The following TRMT61B variants were observed in gnomAD, a reference collection of about 807,000 sequenced individuals.
The protein encoded by TRMT61B is tRNA (adenine(58)-N(1))-methyltransferase, mitochondrial.
TRMT61B carries 56 observed loss-of-function variants against 52.0 expected under a neutral mutation model. The ratio of observed to expected loss-of-function variants is 1.08; its 90% CI spans 0.87 to 1.35. The LOEUF (loss-of-function observed/expected upper bound fraction) is 1.35, where lower values mean the gene tolerates loss of function less well. Among genes scored for constraint, TRMT61B ranks in the 40% most tolerant of loss-of-function variants. The pLI, the probability that TRMT61B is intolerant of heterozygous loss-of-function variation, is 0.00. For synonymous variants in TRMT61B, 206 were observed against 220.0 expected (o/e 0.94, Z 0.56); for missense variants, 650 against 577.9 (o/e 1.12, Z -1.28).
Position 28,859,781 on chromosome 2 carries a change from T to C in TRMT61B, c.993+1337A>G, listed in dbSNP as rs1204396999. Among the ~76,000 whole-genome samples the C allele has an allele frequency of 2.6e-5, 4 of 152,200 alleles. No homozygotes were observed. The East Asian group carries it at 7.7e-4, about 29-fold the overall frequency. Reference sequence around the variant, plus strand: ...TGTGTTTCATGCTCATCAAGCAAAATTCTGATGACCAATTTAATCTCGCAG... The same window carrying C: ...TGTGTTTCATGCTCATCAAGCAAAACTCTGATGACCAATTTAATCTCGCAG... On this transcript the variant is annotated intron_variant, in intron 3 of 6. Transcript: ENST00000306108.
At chr2:28,853,788 A>G (rs1417427672) in intron 3 of TRMT61B, among the ~76,000 whole-genome samples, 1 of 151,998 alleles carries the variant, frequency 6.6e-6, no homozygotes, top group African/African-American at 2.4e-5. Flanking sequence ...GTAAGCCAAG[A>G]TTAAACCACT....
intron 1 of TRMT61B, among the ~76,000 whole-genome samples, chr2:28,865,789 T>C (rs930495535): frequency 1.4e-5 from 2 of 147,432 alleles, no homozygotes; most frequent in Non-Finnish European, 3.0e-5. Context: ...CAAGCGATTC[T>C]CCTGCCTCAG....
rs776399442 is a variant in TRMT61B at position 28,861,114 on chromosome 2, T to A, written c.993+4A>T. Reference sequence around the variant, plus strand: ...TAACACAGGACCCACGTTAGAAAACTTACTGCGTCAAATGTTAAAGATTTT... The same window carrying A: ...TAACACAGGACCCACGTTAGAAAACATACTGCGTCAAATGTTAAAGATTTT... On this transcript the variant is annotated splice_donor_region_variant and intron_variant, in intron 3 of 6. Transcript: ENST00000306108. 18 of 1,591,966 alleles carry A rather than the reference T, an allele frequency of 1.1e-5. No homozygotes were observed. The highest frequency in any genetic ancestry group is 3.6e-5 in the Admixed American group (2 of 55,406).
chr2:28,859,773 A>AAT (rs1202417692), intron 3 of TRMT61B, among the ~76,000 whole-genome samples: 2 of 152,312 alleles, frequency 1.3e-5, no homozygotes, highest in East Asian at 3.9e-4. Context: ...CATGCTCATC[A>AAT]AGCAAAATTC....
Position 28,852,674 on chromosome 2 carries a change from T to C in TRMT61B, c.994-175A>G, listed in dbSNP as rs1006896421. On this transcript the variant is annotated intron_variant, in intron 3 of 6. Transcript: ENST00000306108. ...TCCCAAAAGGGTATGTTAATTATTATACAGTTGGGCAATGTGGCTTCTGCC... is the reference window on the plus strand; with the variant it reads ...TCCCAAAAGGGTATGTTAATTATTACACAGTTGGGCAATGTGGCTTCTGCC... Among the ~76,000 whole-genome samples the C allele has an allele frequency of 2.6e-5, 4 of 152,104 alleles. No individual in the cohort carries two copies. The South Asian group carries it at 6.2e-4, about 24-fold the overall frequency.
intron 3 of TRMT61B, among the ~76,000 whole-genome samples, chr2:28,860,272 CAAAAAAAAAAAAAAAA>C (rs540569211): frequency 0.029 from 701 of 24,536 alleles, 11 homozygotes; most frequent in Middle Eastern, 0.056. Context: ...ACTCTGTTGC[CAAAAAAAAAAAAAAAA>C]AAAAAAAAAA....
intron 3 of TRMT61B, among the ~76,000 whole-genome samples, chr2:28,859,189 C>G (rs942702736): frequency 9.2e-5 from 14 of 152,284 alleles, no homozygotes; most frequent in Non-Finnish European, 1.6e-4. Flanking sequence ...ACGCCATTCT[C>G]CTGCCTCAGC....
chr2:28,858,103 C>G (rs919011904), intron 3 of TRMT61B, among the ~76,000 whole-genome samples: 1 of 149,650 alleles, frequency 6.7e-6, no homozygotes, highest in Admixed American at 6.7e-5. Context: ...TGCAGTGGCG[C>G]CATCTCGGCT....
intron 3 of TRMT61B, among the ~76,000 whole-genome samples, chr2:28,852,810 G>GT: frequency 6.6e-6 from 1 of 151,334 alleles, no homozygotes; most frequent in Non-Finnish European, 1.5e-5. Flanking sequence ...AAAAAAAAAA[G>GT]TAGCTGGATG....
Position 28,865,067 on chromosome 2 carries a change from A to C in TRMT61B, c.752T>G (p.Leu251Trp). The C allele has an allele frequency of 6.2e-7, 1 of 1,613,642 alleles. No homozygotes were observed. Among genetic ancestry groups the C allele is most frequent in the Non-Finnish European group, 8.5e-7 (1 of 1,179,656 alleles). ...TCCACCAGAGCCTGAGCCAGCTTCC[A>C]AAACAGTATCACCTGGGTTGATATC... ...MMDINPGDTV[L>W]EAGSGSGGMS... Residue 251 changes from leucine to tryptophan, a missense_variant, in exon 2 of 7, where the codon TTG becomes TGG. By Grantham distance (61) the Leu-to-Trp change is moderately conservative (BLOSUM62 -2). Coordinates refer to ENST00000306108, the MANE Select transcript of TRMT61B (RefSeq NM_017910.4).
intron 3 of TRMT61B, among the ~76,000 whole-genome samples, chr2:28,853,641 G>T (rs1669217956): frequency 6.6e-6 from 1 of 152,124 alleles, no homozygotes; most frequent in Non-Finnish European, 1.5e-5. Context: ...TTTGAGAGTA[G>T]CCTGGCCAAC....
chr2:28,869,434 T>C (rs550422033), intron 1 of TRMT61B, 145 bp downstream of exon 1: 4 of 605,300 alleles, frequency 6.6e-6, no homozygotes, highest in East Asian at 2.7e-5. Flanking sequence ...GTAAAAGTTA[T>C]AACCATTGGT....
intron 1 of TRMT61B, among the ~76,000 whole-genome samples, chr2:28,868,638 G>T (rs781687548): frequency 3.9e-5 from 6 of 152,224 alleles, no homozygotes; most frequent in Admixed American, 6.5e-5. Flanking sequence ...AAAGGAGGAG[G>T]AGTTGTGTTA....
intron 3 of TRMT61B, among the ~76,000 whole-genome samples, chr2:28,860,037 T>A (rs762815381): frequency 6.6e-6 from 1 of 152,050 alleles, no homozygotes; most frequent in Non-Finnish European, 1.5e-5. Flanking sequence ...TTTGGGAGAC[T>A]GAGATGGGCA....
chr2:28,852,796 G>GAA (rs964551026), intron 3 of TRMT61B, among the ~76,000 whole-genome samples: 1 of 139,524 alleles, frequency 7.2e-6, no homozygotes, highest in Non-Finnish European at 1.6e-5. Flanking sequence ...TGACTCTATT[G>GAA]AAAAAAAAAA....
chr2:28,856,518 C>T (rs73920373), intron 3 of TRMT61B, among the ~76,000 whole-genome samples: 363 of 152,238 alleles, frequency 2.4e-3, no homozygotes, highest in African/African-American at 8.3e-3. Context: ...TTATCTAGCC[C>T]CTCATGACTG....
chr2:28,870,202 C>T lies in TRMT61B; in HGVS notation c.76G>A (p.Gly26Ser), dbSNP rs1572562357. Residue 26 changes from glycine to serine, a missense_variant, in exon 1 of 7, where the codon GGC becomes AGC. Physicochemically the swap from Gly to Ser is moderately conservative, Grantham distance 56. Transcript: ENST00000306108. ...CCCTCGAAGGGCTCCTGCCCCAGGCCGTGCAGGAATGAATTGGTTCCGAGC... is the reference window on the plus strand; with the variant it reads ...CCCTCGAAGGGCTCCTGCCCCAGGCTGTGCAGGAATGAATTGGTTCCGAGC... ...QGLGTNSFLH[G>S]LGQEPFEGAR... The T allele has an allele frequency of 6.2e-7, 1 of 1,612,352 alleles. No individual in the cohort carries two copies. The highest frequency in any genetic ancestry group is 8.5e-7 in the Non-Finnish European group (1 of 1,179,946).
At position 28,869,850 on chromosome 2, in the gene TRMT61B, C is replaced by T. The variant is rs376259363; in HGVS notation, c.428G>A (p.Cys143Tyr). Residue 143 changes from cysteine to tyrosine, a missense_variant, in exon 1 of 7, where the codon TGT (cysteine) becomes TAT (tyrosine). Coordinates refer to ENST00000306108, the MANE Select transcript of TRMT61B (RefSeq NM_017910.4). ...EVEERHVSPS[C>Y]STSRERPFQA... Reference sequence around the variant, plus strand: ...AAAGGGTCTCTCTCTGGAAGTTGAACAAGAAGGGGAGACGTGACGCTCTTC... The same window carrying T: ...AAAGGGTCTCTCTCTGGAAGTTGAATAAGAAGGGGAGACGTGACGCTCTTC... 197 of 1,614,056 alleles carry T rather than the reference C, an allele frequency of 1.2e-4. No individual in the cohort carries two copies. Among genetic ancestry groups the T allele is most frequent in the Non-Finnish European group, 1.5e-4 (177 of 1,180,032 alleles).
chr2:28,851,322 C>T (rs762196101), intron 4 of TRMT61B, 24 bp from the exon 5 acceptor site: 2 of 1,470,830 alleles, frequency 1.4e-6, no homozygotes, highest in Admixed American at 2.0e-5. Context: ...GAAAAATTTA[C>T]ATTTCTACTA....
Sources: gnomAD v4.1 joint callset for allele counts (sites outside exome capture counted in the v4.1 genomes callset) on GRCh38, gnomAD v4.1.1 for gene constraint, MANE v1.5 for transcripts, NCBI Gene and HGNC (gene_info 2026-07-23, HGNC 2026-07-21) for gene names.